Variants in ALDH1A2 observed in about 807,000 individuals in gnomAD.
ALDH1A2 encodes aldehyde dehydrogenase 1 family member A2.
A neutral mutation model predicts 60.3 loss-of-function variants in ALDH1A2; 27 were observed. That is an observed-to-expected ratio of 0.45 (90% confidence interval 0.33 to 0.62). The LOEUF (loss-of-function observed/expected upper bound fraction) is 0.62. Ranked by LOEUF, ALDH1A2 falls within the 20% of genes least tolerant of loss-of-function variation. ALDH1A2 has a pLI of 0.02. For missense variants in ALDH1A2, 581 were observed against 643.8 expected (o/e 0.90, Z 1.06); for synonymous variants, 289 against 232.4 (o/e 1.24, Z -2.21).
chr15:58,044,138 C>G (rs768535446), intron 1 of ALDH1A2, among the ~76,000 whole-genome samples: 6 of 151,984 alleles, frequency 3.9e-5, no homozygotes, highest in African/African-American at 9.7e-5. Flanking sequence ...TGCTGCATCT[C>G]TATCATGATG....
chr15:58,038,170 G>A (rs1259044998), intron 1 of ALDH1A2, among the ~76,000 whole-genome samples: 1 of 151,326 alleles, frequency 6.6e-6, no homozygotes, highest in Non-Finnish European at 1.5e-5. Flanking sequence ...TCTTTCAACA[G>A]TATTTACTCA....
intron 4 of ALDH1A2, among the ~76,000 whole-genome samples, chr15:58,003,326 G>C (rs1346795336): frequency 6.6e-6 from 1 of 151,808 alleles, no homozygotes; most frequent in Non-Finnish European, 1.5e-5. Flanking sequence ...GATGGAACAA[G>C]AATACTTCAG....
chr15:58,058,573 T>C (rs1162368933), intron 1 of ALDH1A2, among the ~76,000 whole-genome samples: 2 of 151,962 alleles, frequency 1.3e-5, no homozygotes, highest in East Asian at 3.9e-4. Flanking sequence ...AATATAACTT[T>C]TTAATATTTT....
chr15:57,992,957 G>A lies in ALDH1A2; in HGVS notation c.672C>T (p.Ala224=). ...CCGTTTCTCTTACCTCCTTGATGAG[G>A]GCTCCCATGTAGAGTGCACTGAGTG... is the stretch of plus-strand genomic sequence containing the variant. ...QTPLSALYMG[A]LIKEAGFPPG... Residue 224 remains alanine, a synonymous_variant, in exon 6 of 13, where the codon GCC becomes GCT. Transcript: ENST00000249750. The A allele has an allele frequency of 6.2e-7, 1 of 1,614,032 alleles. No homozygotes were observed. The highest frequency in any genetic ancestry group is 8.5e-7 in the Non-Finnish European group (1 of 1,179,982).
intron 7 of ALDH1A2, among the ~76,000 whole-genome samples, chr15:57,969,534 C>T (rs1232952059): frequency 6.6e-6 from 1 of 152,122 alleles, no homozygotes; most frequent in Non-Finnish European, 1.5e-5. Flanking sequence ...ACTGTCCCTC[C>T]TGACATGACC....
chr15:57,974,803 C>G (rs1347397000), intron 7 of ALDH1A2, among the ~76,000 whole-genome samples: 1 of 152,144 alleles, frequency 6.6e-6, no homozygotes, highest in Non-Finnish European at 1.5e-5. Context: ...CTTTAAGAGA[C>G]ACTGGGAGAA....
chr15:57,996,936 G>A (rs1895083817), intron 4 of ALDH1A2, among the ~76,000 whole-genome samples: 1 of 151,774 alleles, frequency 6.6e-6, no homozygotes, highest in Admixed American at 6.6e-5. Flanking sequence ...TTTTTCTATT[G>A]GGTTATTCTT....
intron 1 of ALDH1A2, among the ~76,000 whole-genome samples, chr15:58,050,885 A>G (rs1268865819): frequency 6.6e-6 from 1 of 152,184 alleles, no homozygotes; most frequent in Admixed American, 6.5e-5. Flanking sequence ...TTTATGCTGC[A>G]AAGCAAACAT....
chr15:58,036,301 TACAC>T (rs1896376343), intron 1 of ALDH1A2, among the ~76,000 whole-genome samples: 3 of 151,552 alleles, frequency 2.0e-5, no homozygotes, highest in African/African-American at 7.3e-5. Context: ...CACACACATA[TACAC>T]ACAAACACAT....
intron 4 of ALDH1A2, among the ~76,000 whole-genome samples, chr15:58,007,017 G>A (rs1463019904): frequency 6.6e-6 from 1 of 151,762 alleles, no homozygotes; most frequent in Non-Finnish European, 1.5e-5. Flanking sequence ...GCTGTAATGT[G>A]CCTTACAGAG....
intron 7 of ALDH1A2, chr15:57,980,542 G>A (rs779469371): frequency 7.2e-6 from 2 of 278,366 alleles, no homozygotes; most frequent in South Asian, 5.3e-5. Context: ...TGATCCAGCT[G>A]TGAAGCTCTG....
At chr15:58,014,068 A>G in intron 2 of ALDH1A2, 70 bp from the exon 3 acceptor site, 1 of 1,613,982 alleles carries the variant, frequency 6.2e-7, no homozygotes, top group Non-Finnish European at 8.5e-7. Context: ...CACTGTCATG[A>G]AAAAAGTGAA....
At chr15:57,974,849 T>G (rs1280789384) in intron 7 of ALDH1A2, among the ~76,000 whole-genome samples, 3 of 152,198 alleles carry the variant, frequency 2.0e-5, no homozygotes, top group Non-Finnish European at 4.4e-5. Flanking sequence ...TTATCCAGAA[T>G]ATACTAACAA....
At position 57,963,924 on chromosome 15, in the gene ALDH1A2, C is replaced by T. The variant is rs763772319; in HGVS notation, c.1047G>A (p.Val349=). 5 of 1,614,144 alleles carry T rather than the reference C, an allele frequency of 3.1e-6. No individual in the cohort carries two copies. The highest frequency in any genetic ancestry group is 4.2e-6 in the Non-Finnish European group (5 of 1,180,014). ...RSVERAKRRV[V]GSPFDPTTEQ... is the part of the protein sequence containing the mutation. ...CAGTGGTGGGGTCAAAGGGACTCCCCACTACGCGCCTCTTGGCCCGCTCCA... is the reference window on the plus strand; with the variant it reads ...CAGTGGTGGGGTCAAAGGGACTCCCTACTACGCGCCTCTTGGCCCGCTCCA... The change falls in exon 9 of 13, where the codon GTG becomes GTA. Residue 349 remains valine (V), a synonymous_variant. Coordinates refer to ENST00000249750, the MANE Select transcript of ALDH1A2 (RefSeq NM_003888.4).
chr15:57,965,687 G>A (rs1893871590), intron 8 of ALDH1A2, 38 bp downstream of exon 8: 2 of 1,386,622 alleles, frequency 1.4e-6, no homozygotes, highest in African/African-American at 1.4e-5. Flanking sequence ...ACCAAAGGGT[G>A]TGTGGTGGTT....
intron 7 of ALDH1A2, among the ~76,000 whole-genome samples, chr15:57,987,306 A>AACTC (rs1894737068): frequency 1.3e-5 from 2 of 152,206 alleles, no homozygotes. Context: ...GAAAACTATA[A>AACTC]ACTCACAGAT....
chr15:58,009,861 T>A (rs1895574311), intron 4 of ALDH1A2, among the ~76,000 whole-genome samples: 1 of 152,088 alleles, frequency 6.6e-6, no homozygotes, highest in East Asian at 1.9e-4. Flanking sequence ...TCTCTTGGGG[T>A]TGCTGTGAAA....
chr15:57,957,724 A>G (rs1219541500), intron 12 of ALDH1A2, among the ~76,000 whole-genome samples: 2 of 152,216 alleles, frequency 1.3e-5, no homozygotes, highest in Non-Finnish European at 2.9e-5. Context: ...GTAACCTGTC[A>G]GTCAGTATTG....
intron 1 of ALDH1A2, among the ~76,000 whole-genome samples, chr15:58,039,690 A>G (rs111463238): frequency 6.6e-6 from 1 of 151,846 alleles, no homozygotes; most frequent in African/African-American, 2.4e-5. Context: ...AAGAGAGGAA[A>G]GAAATATTGT....
Sources: allele counts gnomAD v4.1 joint callset (sites outside exome capture counted in the v4.1 genomes callset), GRCh38; gene constraint gnomAD v4.1.1; transcripts MANE v1.5; gene names NCBI Gene and HGNC (gene_info 2026-07-23, HGNC 2026-07-21).